PDZRN3: variants seen among roughly 807,000 people sequenced by gnomAD.
The protein encoded by PDZRN3 is E3 ubiquitin-protein ligase PDZRN3.
A neutral mutation model predicts 85.7 loss-of-function variants in PDZRN3; 38 were observed. The ratio of observed to expected loss-of-function variants is 0.44; its 90% CI spans 0.34 to 0.58. The LOEUF is 0.58. PDZRN3 is among the 20% of genes least tolerant of loss of function. The pLI is 0.01. For missense variants in PDZRN3, 1,629 were observed against 1,506.4 expected (o/e 1.08, Z -1.35); for synonymous variants, 759 against 638.0 (o/e 1.19, Z -2.86).
intron 3 of PDZRN3, among the ~76,000 whole-genome samples, chr3:73,549,368 G>C (rs1483276701): frequency 6.6e-6 from 1 of 152,150 alleles, no homozygotes; most frequent in African/African-American, 2.4e-5. Context: ...GAGAGAAGTT[G>C]CATGGCAGGA....
At chr3:73,521,425 C>T (rs774546449) in intron 3 of PDZRN3, among the ~76,000 whole-genome samples, 15 of 152,038 alleles carry the variant, frequency 9.9e-5, no homozygotes, top group Admixed American at 7.9e-4. Flanking sequence ...ATGCTGGGCT[C>T]GCTCGCTGCT....
intron 3 of PDZRN3, chr3:73,408,008 C>A: frequency 3.3e-6 from 2 of 606,064 alleles, no homozygotes; most frequent in East Asian, 2.8e-5. Flanking sequence ...ACAAGAATGT[C>A]CCCCCTGCCT....
intron 3 of PDZRN3, among the ~76,000 whole-genome samples, chr3:73,499,588 T>A (rs1703937715): frequency 6.6e-6 from 1 of 152,232 alleles, no homozygotes; most frequent in Non-Finnish European, 1.5e-5. Flanking sequence ...ATGATCCTAA[T>A]TCTGAAACTA....
intron 3 of PDZRN3, among the ~76,000 whole-genome samples, chr3:73,443,795 A>G (rs1307629448): frequency 6.6e-6 from 1 of 150,862 alleles, no homozygotes; most frequent in African/African-American, 2.4e-5. Flanking sequence ...AGCCTGGTCC[A>G]GCTTTTTTTT....
chr3:73,514,150 G>A (rs1704216723), intron 3 of PDZRN3, among the ~76,000 whole-genome samples: 1 of 152,216 alleles, frequency 6.6e-6, no homozygotes, highest in Non-Finnish European at 1.5e-5. Flanking sequence ...AGGGAATGCT[G>A]CTTTGATCAT....
intron 3 of PDZRN3, among the ~76,000 whole-genome samples, chr3:73,599,623 A>G (rs1702481063): frequency 6.6e-6 from 1 of 152,248 alleles, no homozygotes; most frequent in African/African-American, 2.4e-5. Flanking sequence ...ATATATACAT[A>G]TACACACACG....
chr3:73,613,293 C>A (rs767460189), intron 1 of PDZRN3, among the ~76,000 whole-genome samples: 4 of 152,100 alleles, frequency 2.6e-5, no homozygotes, highest in East Asian at 1.9e-4. Flanking sequence ...GGAGATGATA[C>A]TGACCAAGTG....
intron 3 of PDZRN3, among the ~76,000 whole-genome samples, chr3:73,440,911 C>T (rs1473616328): frequency 6.6e-6 from 1 of 152,140 alleles, no homozygotes. Flanking sequence ...AGAGAGAAAG[C>T]CTTGAAAGGT....
chr3:73,550,039 G>A (rs1461233680), intron 3 of PDZRN3, among the ~76,000 whole-genome samples: 6 of 152,234 alleles, frequency 3.9e-5, no homozygotes, highest in Non-Finnish European at 7.4e-5. Context: ...CCTATGAACC[G>A]GGAAGCATAA....
chr3:73,558,288 C>T (rs1220014896), intron 3 of PDZRN3, among the ~76,000 whole-genome samples: 1 of 150,906 alleles, frequency 6.6e-6, no homozygotes, highest in Non-Finnish European at 1.5e-5. Flanking sequence ...AAACAAAGTA[C>T]TAAATATGAA....
chr3:73,434,662 A>G (rs750194360), intron 3 of PDZRN3, among the ~76,000 whole-genome samples: 5 of 152,194 alleles, frequency 3.3e-5, no homozygotes, highest in African/African-American at 4.8e-5. Flanking sequence ...GATGCTGCAG[A>G]TATTTCAGAG....
chr3:73,514,443 C>T lies in PDZRN3; in HGVS notation c.918+87911G>A, dbSNP rs980207449. On this transcript the variant is annotated intron_variant, in intron 3 of 9. Transcript: ENST00000263666. ...AAAGGGCTGGGCTGGAAGACTGGGT[C>T]GAGGAAGGAGAGTGATACTTAGGGT... 3.3e-5 allele frequency among the ~76,000 whole-genome samples: 5 copies of T among 152,026 alleles called. No homozygotes were observed. In the South Asian group the frequency reaches 6.2e-4, roughly 19 times the overall value.
chr3:73,598,681 C>T (rs375202076), intron 3 of PDZRN3, among the ~76,000 whole-genome samples: 1 of 152,192 alleles, frequency 6.6e-6, no homozygotes, highest in Admixed American at 6.5e-5. Flanking sequence ...AGATTCCCAG[C>T]CACAGCCCCA....
chr3:73,449,831 T>A (rs1306621886), intron 3 of PDZRN3, among the ~76,000 whole-genome samples: 1 of 152,182 alleles, frequency 6.6e-6, no homozygotes, highest in Non-Finnish European at 1.5e-5. Context: ...AAAAAATGCT[T>A]CAGTCTGGGG....
chr3:73,608,762 T>C, intron 1 of PDZRN3, 78 bp from the exon 2 acceptor site: 1 of 858,584 alleles, frequency 1.2e-6, no homozygotes, highest in African/African-American at 1.7e-5. Flanking sequence ...TATCTAAGTG[T>C]ACTCAAGGAC....
intron 3 of PDZRN3, among the ~76,000 whole-genome samples, chr3:73,487,318 A>G (rs1326410989): frequency 6.6e-6 from 1 of 152,168 alleles, no homozygotes; most frequent in Non-Finnish European, 1.5e-5. Flanking sequence ...GTTCTTCTTT[A>G]AAAAGGAAGC....
chr3:73,430,968 G>C (rs975289334), intron 3 of PDZRN3, among the ~76,000 whole-genome samples: 1 of 152,084 alleles, frequency 6.6e-6, no homozygotes, highest in Non-Finnish European at 1.5e-5. Flanking sequence ...ATTTCTGGTA[G>C]GCAGAGGCCC....
chr3:73,613,283 G>A (rs1478343090), intron 1 of PDZRN3, among the ~76,000 whole-genome samples: 2 of 152,104 alleles, frequency 1.3e-5, no homozygotes, highest in Non-Finnish European at 2.9e-5. Flanking sequence ...GATATGACAG[G>A]GAGATGATAC....
chr3:73,438,394 A>G (rs1276010833), intron 3 of PDZRN3, among the ~76,000 whole-genome samples: 1 of 152,188 alleles, frequency 6.6e-6, no homozygotes, highest in African/African-American at 2.4e-5. Flanking sequence ...TACTGATTGG[A>G]TTGTCTATTT....
Sources: allele counts gnomAD v4.1 joint callset (sites outside exome capture counted in the v4.1 genomes callset), GRCh38; gene constraint gnomAD v4.1.1; transcripts MANE v1.5; gene names NCBI Gene and HGNC (gene_info 2026-07-23, HGNC 2026-07-21).